Variants in ALDH1A2 observed in about 807,000 individuals in gnomAD.
The protein encoded by ALDH1A2 is retinal dehydrogenase 2.
A neutral mutation model predicts 60.3 loss-of-function variants in ALDH1A2; 27 were observed. The observed-to-expected ratio is 0.45, with a 90% CI of 0.33 to 0.62. ALDH1A2 has a LOEUF of 0.62. Ranked by LOEUF, ALDH1A2 falls within the 20% of genes least tolerant of loss-of-function variation. ALDH1A2 has a pLI of 0.02. For missense variants in ALDH1A2, 581 were observed against 643.8 expected (o/e 0.90, Z 1.06); for synonymous variants, 289 against 232.4 (o/e 1.24, Z -2.21).
intron 1 of ALDH1A2, among the ~76,000 whole-genome samples, chr15:58,054,958 G>A (rs1896859930): frequency 6.6e-6 from 1 of 151,942 alleles, no homozygotes; most frequent in African/African-American, 2.4e-5. Context: ...TGGAATTGTT[G>A]CTTATGATAG....
intron 1 of ALDH1A2, among the ~76,000 whole-genome samples, chr15:58,049,026 T>A (rs1446009450): frequency 6.6e-6 from 1 of 152,032 alleles, no homozygotes; most frequent in Non-Finnish European, 1.5e-5. Context: ...TTTCTGGCAC[T>A]ATAGATTATT....
chr15:58,039,473 T>A (rs577055650), intron 1 of ALDH1A2, among the ~76,000 whole-genome samples: 195 of 151,928 alleles, frequency 1.3e-3, no homozygotes, highest in Non-Finnish European at 2.4e-3. Context: ...ACCTCAATTG[T>A]GAAGGCCATT....
At chr15:57,968,937 A>C (rs1893977992) in intron 7 of ALDH1A2, among the ~76,000 whole-genome samples, 1 of 152,254 alleles carries the variant, frequency 6.6e-6, no homozygotes, top group Non-Finnish European at 1.5e-5. Context: ...TTTTCCTTGC[A>C]TCAATGCTTT....
chr15:57,985,505 G>C (rs1481380365), intron 7 of ALDH1A2, among the ~76,000 whole-genome samples: 1 of 152,086 alleles, frequency 6.6e-6, no homozygotes, highest in African/African-American at 2.4e-5. Context: ...AACCAATTTT[G>C]TACAAAACCA....
At chr15:58,016,578 T>C (rs1384924299) in intron 1 of ALDH1A2, among the ~76,000 whole-genome samples, 1 of 152,206 alleles carries the variant, frequency 6.6e-6, no homozygotes, top group Non-Finnish European at 1.5e-5. Flanking sequence ...ACTCATTTTC[T>C]TCATCACTTA....
chr15:58,039,423 A>G (rs1896458386), intron 1 of ALDH1A2, among the ~76,000 whole-genome samples: 1 of 151,762 alleles, frequency 6.6e-6, no homozygotes, highest in Non-Finnish European at 1.5e-5. Context: ...CATGTAAATC[A>G]TGTTACAAAT....
intron 4 of ALDH1A2, among the ~76,000 whole-genome samples, chr15:58,006,221 C>T (rs1475682499): frequency 6.6e-6 from 1 of 151,916 alleles, no homozygotes; most frequent in Non-Finnish European, 1.5e-5. Flanking sequence ...TACGCCTTTG[C>T]ATCCTCATAG....
In ALDH1A2 at chr15:57,954,570, T is replaced by G. The variant is rs3204690; in HGVS notation, c.*627A>C. ...ATTTATGGGTAAAAGAAAACCAGAT[T>G]GGGTCAGGAATATCCCAGGTTCTTA... On this transcript the variant is annotated 3_prime_UTR_variant, in exon 13 of 13. Transcript: ENST00000249750. 73,545 of 156,448 alleles carry G rather than the reference T, an allele frequency of 0.47. 17,874 individuals carry two copies. The highest frequency in any genetic ancestry group is 0.55 in the Non-Finnish European group (38,211 of 70,022). 9.7% of individuals were successfully genotyped at this position (156,448 alleles called of 1,614,324 possible). A position where few individuals can be genotyped will look rare whatever the true frequency, so the allele number is the denominator to read the frequency against.
Position 57,960,861 on chromosome 15 carries a change from T to C in ALDH1A2, c.1410-17A>G, listed in dbSNP as rs763827962. 3 of 1,609,766 alleles carry C rather than the reference T, an allele frequency of 1.9e-6. No individual in the cohort carries two copies. The highest frequency in any genetic ancestry group is 2.7e-5 in the African/African-American group (2 of 74,864). On this transcript the variant is annotated splice_polypyrimidine_tract_variant and intron_variant, in intron 11 of 12. Transcript: ENST00000249750. ...CAATTGATCCTGAAAGAAGAAAACA[T>C]AGCACTGTGAGTTCGTGTGAAGTCT...
At chr15:58,025,081 TAGAA>T (rs1443730971) in intron 1 of ALDH1A2, among the ~76,000 whole-genome samples, 1 of 152,076 alleles carries the variant, frequency 6.6e-6, no homozygotes, top group Admixed American at 6.5e-5. Context: ...CTAAAAAAAG[TAGAA>T]AGATTATAAA....
chr15:57,958,148 G>T (rs1305506774), intron 12 of ALDH1A2, among the ~76,000 whole-genome samples: 1 of 152,118 alleles, frequency 6.6e-6, no homozygotes, highest in Admixed American at 6.5e-5. Context: ...CCCTAGATAC[G>T]CATGCTTAAC....
chr15:57,990,829 T>C (rs995742902), intron 7 of ALDH1A2, among the ~76,000 whole-genome samples: 4 of 145,364 alleles, frequency 2.8e-5, no homozygotes, highest in African/African-American at 1.0e-4. Flanking sequence ...TGAGACAAGA[T>C]TGTGCCACTT....
At chr15:57,976,904 C>T (rs1015942738) in intron 7 of ALDH1A2, among the ~76,000 whole-genome samples, 3 of 152,154 alleles carry the variant, frequency 2.0e-5, no homozygotes, top group African/African-American at 7.2e-5. Context: ...TCCTATTTCT[C>T]CAAATCCTCT....
chr15:58,045,929 C>G (rs1212117810), intron 1 of ALDH1A2, among the ~76,000 whole-genome samples: 3 of 151,952 alleles, frequency 2.0e-5, no homozygotes, highest in African/African-American at 7.2e-5. Flanking sequence ...TAGAGACACT[C>G]CACACATGCA....
chr15:58,007,760 A>G (rs1389743933), intron 4 of ALDH1A2, among the ~76,000 whole-genome samples: 2 of 151,768 alleles, frequency 1.3e-5, no homozygotes, highest in Admixed American at 6.6e-5. Context: ...CTCATGGTTA[A>G]AGACTAACGG....
chr15:57,958,343 G>A (rs1290230791), intron 12 of ALDH1A2, among the ~76,000 whole-genome samples: 1 of 151,130 alleles, frequency 6.6e-6, no homozygotes, highest in African/African-American at 2.5e-5. Flanking sequence ...CTCAGTTTGT[G>A]ACATTTTATG....
rs568833012 is a variant in ALDH1A2 at position 58,039,877 on chromosome 15, T to C, written c.118-25596A>G. Among the ~76,000 whole-genome samples the C allele has an allele frequency of 1.1e-4, 16 of 151,858 alleles. No individual in the cohort carries two copies. The South Asian group carries it at 3.3e-3, about 32-fold the overall frequency. ...TAGAAGTCATTAATTCTTCCTTTAT[T>C]TGCAATCATTTCTTAGTCACCTATT... On this transcript the variant is annotated intron_variant, in intron 1 of 12. Coordinates refer to ENST00000249750, the MANE Select transcript of ALDH1A2 (RefSeq NM_003888.4).
At chr15:58,049,456 A>T (rs1388994630) in intron 1 of ALDH1A2, among the ~76,000 whole-genome samples, 1 of 152,108 alleles carries the variant, frequency 6.6e-6, no homozygotes, top group African/African-American at 2.4e-5. Context: ...ATGCACTGAG[A>T]CTTTTTATTC....
At chr15:57,962,263 G>T in intron 9 of ALDH1A2, 87 bp from the exon 10 acceptor site, 1 of 1,522,982 alleles carries the variant, frequency 6.6e-7, no homozygotes, top group Non-Finnish European at 9.0e-7. Flanking sequence ...TCATTTTAGG[G>T]TTTTTTTCAA....
Sources: allele counts gnomAD v4.1 joint callset (sites outside exome capture counted in the v4.1 genomes callset), GRCh38; gene constraint gnomAD v4.1.1; transcripts MANE v1.5; gene names NCBI Gene and HGNC (gene_info 2026-07-23, HGNC 2026-07-21).